KLHL20: variants seen among roughly 807,000 people sequenced by gnomAD.
The protein encoded by KLHL20 is kelch like family member 20, also known as kelch-like protein 20.
KLHL20 carries 29 observed loss-of-function variants against 69.5 expected under a neutral mutation model. That is an observed-to-expected ratio of 0.42 (90% CI 0.31 to 0.57). The LOEUF (loss-of-function observed/expected upper bound fraction) is 0.57. Ranked by LOEUF, KLHL20 falls within the 20% of genes least tolerant of loss-of-function variation. The pLI, the probability that KLHL20 is intolerant of heterozygous loss-of-function variation, is 0.18. For missense variants in KLHL20, 419 were observed against 776.0 expected (o/e 0.54, Z 5.47); for synonymous variants, 253 against 265.2 (o/e 0.95, Z 0.45).
intron 2 of KLHL20, among the ~76,000 whole-genome samples, chr1:173,718,030 C>T (rs1011307930): frequency 1.3e-5 from 2 of 152,102 alleles, no homozygotes; most frequent in African/African-American, 2.4e-5. Flanking sequence ...GTTTCTTATG[C>T]ATTCTTTTAG....
chr1:173,772,010 G>A (rs955233085), intron 8 of KLHL20, among the ~76,000 whole-genome samples: 2 of 152,154 alleles, frequency 1.3e-5, no homozygotes, highest in Admixed American at 6.5e-5. Context: ...AGAAGAAAAG[G>A]TTGCAAAATA....
At chr1:173,774,238 T>A in intron 8 of KLHL20, 67 bp from the exon 9 acceptor site, 2 of 1,593,954 alleles carry the variant, frequency 1.3e-6, no homozygotes, top group Non-Finnish European at 8.6e-7. Context: ...TTAGTGTGAT[T>A]TCAGATCTTA....
At chr1:173,783,224 C>T (rs2102543795) in intron 11 of KLHL20, among the ~76,000 whole-genome samples, 1 of 152,308 alleles carries the variant, frequency 6.6e-6, no homozygotes, top group African/African-American at 2.4e-5. Context: ...TTTAGGGTTA[C>T]CATCTCAGTG....
chr1:173,760,865 G>A (rs920141558), intron 7 of KLHL20, among the ~76,000 whole-genome samples: 11 of 152,078 alleles, frequency 7.2e-5, no homozygotes, highest in Non-Finnish European at 1.3e-4. Flanking sequence ...AGAGCACTAC[G>A]AAAGTAAAGT....
intron 3 of KLHL20, chr1:173,741,920 A>G: frequency 8.2e-7 from 1 of 1,219,310 alleles, no homozygotes; most frequent in Non-Finnish European, 1.2e-6. Context: ...TTCAGATGAA[A>G]GCAGCACTAA....
intron 3 of KLHL20, among the ~76,000 whole-genome samples, chr1:173,751,203 T>G (rs1433169074): frequency 1.3e-5 from 2 of 152,228 alleles, no homozygotes; most frequent in East Asian, 3.8e-4. Context: ...ATCTCCATTC[T>G]GACAGTTGCC....
chr1:173,758,987 G>C (rs1423558402), intron 7 of KLHL20, among the ~76,000 whole-genome samples: 1 of 152,202 alleles, frequency 6.6e-6, no homozygotes, highest in Non-Finnish European at 1.5e-5. Context: ...CAAGCCTGCT[G>C]CCCGCCTGTG....
chr1:173,729,970 C>G (rs901740228), intron 2 of KLHL20, among the ~76,000 whole-genome samples: 72 of 152,166 alleles, frequency 4.7e-4, no homozygotes, highest in African/African-American at 1.6e-3. Flanking sequence ...CTAGAAAACC[C>G]CATCATCTCA....
Position 173,782,152 on chromosome 1 carries a change from T to G in KLHL20, c.1667T>G (p.Leu556Arg). The change falls in exon 11 of 12, where the codon CTC becomes CGC. Residue 556 changes from leucine (L) to arginine (R), a missense_variant. This residue lies in a region of KLHL20 where 79 missense variants were observed against 154.4 expected (regional missense o/e 0.51). Coordinates refer to ENST00000209884, the MANE Select transcript of KLHL20 (RefSeq NM_014458.4). ...GGCCTGGCAGTGGTCAATGGACAGCTCATGGCAGTAGGAGGTTTTGATGGC... is the reference window on the plus strand; with the variant it reads ...GGCCTGGCAGTGGTCAATGGACAGCGCATGGCAGTAGGAGGTTTTGATGGC... Reference protein sequence around the residue: ...GVGLAVVNGQLMAVGGFDGTT... With the variant: ...GVGLAVVNGQRMAVGGFDGTT... 1 of 1,614,146 alleles carries G rather than the reference T, an allele frequency of 6.2e-7. No individual in the cohort carries two copies. The highest frequency in any genetic ancestry group is 8.5e-7 in the Non-Finnish European group (1 of 1,179,988).
At chr1:173,749,842 G>A (rs538367083) in intron 3 of KLHL20, among the ~76,000 whole-genome samples, 1 of 152,094 alleles carries the variant, frequency 6.6e-6, no homozygotes, top group Non-Finnish European at 1.5e-5. Context: ...AGAAAAATAA[G>A]AGGAAAGCAA....
chr1:173,784,459 G>A (rs1024374543), intron 11 of KLHL20, among the ~76,000 whole-genome samples: 22 of 152,148 alleles, frequency 1.4e-4, no homozygotes, highest in African/African-American at 4.6e-4. Flanking sequence ...TTGTTTCTTA[G>A]TAACTGTCAC....
intron 8 of KLHL20, among the ~76,000 whole-genome samples, chr1:173,771,779 A>C (rs1206410634): frequency 1.3e-5 from 2 of 152,156 alleles, no homozygotes; most frequent in African/African-American, 4.8e-5. Flanking sequence ...AAATAAAAAT[A>C]AAAGGGAGAG....
intron 7 of KLHL20, among the ~76,000 whole-genome samples, chr1:173,762,983 A>G (rs1647414323): frequency 6.6e-6 from 1 of 152,050 alleles, no homozygotes; most frequent in African/African-American, 2.4e-5. Flanking sequence ...AATCCTAAGG[A>G]CTCCTCTAGA....
chr1:173,780,105 C>T (rs756600405), intron 10 of KLHL20, among the ~76,000 whole-genome samples: 25 of 151,916 alleles, frequency 1.6e-4, no homozygotes, highest in Admixed American at 5.2e-4. Context: ...TTCTGGTTTG[C>T]GTAAATCAAG....
At position 173,729,745 on chromosome 1, in the gene KLHL20, A is replaced by C. The variant is rs1409924131; in HGVS notation, c.24-3968A>C. Among the ~76,000 whole-genome samples the C allele has an allele frequency of 3.9e-5, 6 of 152,272 alleles. No individual in the cohort carries two copies. In the East Asian group the frequency reaches 1.2e-3, roughly 29 times the overall value. Reference sequence around the variant, plus strand: ...TCTCAAAATAATAAGATCTATGACAAACCCACAGCCAATATCATACTGAAT... The same window carrying C: ...TCTCAAAATAATAAGATCTATGACACACCCACAGCCAATATCATACTGAAT... On this transcript the variant is annotated intron_variant, in intron 2 of 11. Coordinates refer to ENST00000209884, the MANE Select transcript of KLHL20 (RefSeq NM_014458.4).
intron 7 of KLHL20, among the ~76,000 whole-genome samples, chr1:173,757,728 C>G (rs1483908421): frequency 6.6e-6 from 1 of 151,162 alleles, no homozygotes; most frequent in Non-Finnish European, 1.5e-5. Flanking sequence ...TTACTTAATA[C>G]ATACAACTTT....
At chr1:173,771,265 C>T (rs1648072406) in intron 8 of KLHL20, among the ~76,000 whole-genome samples, 2 of 152,220 alleles carry the variant, frequency 1.3e-5, no homozygotes, top group South Asian at 2.1e-4. Flanking sequence ...AGGGCTAGAC[C>T]ATGTGGTTCA....
chr1:173,719,037 G>A (rs989222804), intron 2 of KLHL20, among the ~76,000 whole-genome samples: 5 of 148,366 alleles, frequency 3.4e-5, no homozygotes, highest in African/African-American at 7.7e-5. Flanking sequence ...CCTGGGAGGC[G>A]GAGCTTGCAG....
intron 4 of KLHL20, 137 bp from the exon 5 acceptor site, chr1:173,753,076 G>C (rs531799069): frequency 7.0e-5 from 45 of 642,286 alleles, no homozygotes; most frequent in South Asian, 3.2e-4. Context: ...TGGAGGCTGA[G>C]GTAGGCACAT....
Sources: gnomAD v4.1 joint callset for allele counts (sites outside exome capture counted in the v4.1 genomes callset) on GRCh38, gnomAD v4.1.1 for gene constraint, gnomAD v4.1.1 regional missense constraint, MANE v1.5 for transcripts, NCBI Gene and HGNC (gene_info 2026-07-23, HGNC 2026-07-21) for gene names.